The following DRAM2 variants were observed in gnomAD, a reference collection of about 807,000 sequenced individuals.
DRAM2 encodes the protein DNA damage regulated autophagy modulator 2, also known as DNA damage-regulated autophagy modulator protein 2.
A neutral mutation model predicts 33.5 loss-of-function variants in DRAM2; 26 were observed. That is an observed-to-expected ratio of 0.78 (90% CI 0.57 to 1.08). DRAM2 has a LOEUF of 1.08. DRAM2 is among the 50% of genes least tolerant of loss of function. The probability of loss-of-function intolerance (pLI) is 0.00; values close to 1 mark genes in which losing one functional copy is unlikely to be tolerated. For synonymous variants in DRAM2, 98 were observed against 109.5 expected (o/e 0.89, Z 0.66); for missense variants, 311 against 318.1 (o/e 0.98, Z 0.17).
chr1:111,135,999 T>C (rs1263486090), intron 3 of DRAM2, among the ~76,000 whole-genome samples: 1 of 152,224 alleles, frequency 6.6e-6, no homozygotes, highest in Admixed American at 6.5e-5. Flanking sequence ...GGTTCTCTCT[T>C]ATAAAGTCCT....
chr1:111,135,319 A>G (rs142727118), intron 3 of DRAM2, among the ~76,000 whole-genome samples: 2 of 152,208 alleles, frequency 1.3e-5, no homozygotes, highest in Non-Finnish European at 2.9e-5. Context: ...TATGAATTCT[A>G]TCTCTCTGCT....
At chr1:111,124,316 G>A (rs927320631) in intron 6 of DRAM2, among the ~76,000 whole-genome samples, 3 of 152,116 alleles carry the variant, frequency 2.0e-5, no homozygotes, top group African/African-American at 7.2e-5. Flanking sequence ...GGACACCTAG[G>A]AATGCAGGCA....
At chr1:111,130,421 C>T (rs765854719) in intron 4 of DRAM2, among the ~76,000 whole-genome samples, 20 of 152,094 alleles carry the variant, frequency 1.3e-4, no homozygotes, top group Non-Finnish European at 2.2e-4. Flanking sequence ...TTACTTTCTA[C>T]GAGGCTGGGC....
intron 1 of DRAM2, 125 bp downstream of exon 1, chr1:111,139,913 G>C (rs988685952): frequency 6.6e-6 from 1 of 152,112 alleles, no homozygotes; most frequent in Non-Finnish European, 1.5e-5. Flanking sequence ...CCTGCGACGC[G>C]GGTAAGGGGG....
chr1:111,130,659 C>T (rs1300330363), intron 4 of DRAM2, among the ~76,000 whole-genome samples: 3 of 150,174 alleles, frequency 2.0e-5, no homozygotes, highest in Non-Finnish European at 4.4e-5. Flanking sequence ...GAGATTGTGC[C>T]ACTGCACTCC....
At chr1:111,128,589 G>A (rs1651484758) in intron 4 of DRAM2, among the ~76,000 whole-genome samples, 1 of 152,142 alleles carries the variant, frequency 6.6e-6, no homozygotes, top group South Asian at 2.1e-4. Flanking sequence ...ATAAAATGGT[G>A]TAGTATTTGC....
intron 8 of DRAM2, chr1:111,119,506 T>C (rs1344230241): frequency 5.2e-6 from 1 of 193,570 alleles, no homozygotes; most frequent in Non-Finnish European, 1.1e-5. Context: ...GCAGAGTCCA[T>C]AATCAATTTC....
intron 6 of DRAM2, among the ~76,000 whole-genome samples, 191 bp from the exon 7 acceptor site, chr1:111,120,884 A>T (rs1399982642): frequency 6.6e-6 from 1 of 152,128 alleles, no homozygotes; most frequent in East Asian, 1.9e-4. Flanking sequence ...TAAGGATTAT[A>T]GTAATACCAA....
At position 111,139,020 on chromosome 1, in the gene DRAM2, A is replaced by G. The variant is rs193221815; in HGVS notation, c.-79+481T>C. 15 of 152,368 alleles carry G rather than the reference A, an allele frequency of 9.8e-5. No individual in the cohort carries two copies. In the East Asian group the frequency reaches 2.9e-3, roughly 29 times the overall value. The allele number at this position is 152,368 out of a possible 1,614,324, so 9.4% of individuals were successfully genotyped here. A position where few individuals can be genotyped will look rare whatever the true frequency, so the allele number is the denominator to read the frequency against. ...AGCCCTAAGCTGCTTTTAGAGATGC[A>G]CAGAACCATCAGGCTCAAATCAAAA... On this transcript the variant is annotated intron_variant, in intron 2 of 9. Coordinates refer to ENST00000484310, the MANE Select transcript of DRAM2 (RefSeq NM_001349884.2).
intron 3 of DRAM2, among the ~76,000 whole-genome samples, chr1:111,134,031 T>A (rs912650055): frequency 1.3e-5 from 2 of 152,184 alleles, no homozygotes; most frequent in Non-Finnish European, 2.9e-5. Context: ...TGTTCACTAT[T>A]ATATTTCCAG....
At chr1:111,122,284 G>A (rs1418071555) in intron 6 of DRAM2, among the ~76,000 whole-genome samples, 2 of 152,186 alleles carry the variant, frequency 1.3e-5, no homozygotes, top group Non-Finnish European at 2.9e-5. Flanking sequence ...TTCAAGGAAT[G>A]TAAGAGTGAA....
intron 6 of DRAM2, 57 bp downstream of exon 6, chr1:111,124,685 T>C: frequency 3.8e-6 from 6 of 1,567,218 alleles, no homozygotes; most frequent in Non-Finnish European, 5.2e-6. Context: ...GGTTTCCCTT[T>C]TAATATATAT....
At chr1:111,130,696 T>A (rs1196205817) in intron 4 of DRAM2, among the ~76,000 whole-genome samples, 1 of 131,862 alleles carries the variant, frequency 7.6e-6, no homozygotes, top group Non-Finnish European at 1.6e-5. Context: ...TGAGATTCCA[T>A]CTCAAAAAAA....
intron 4 of DRAM2, among the ~76,000 whole-genome samples, chr1:111,127,568 G>A (rs547294533): frequency 2.0e-5 from 3 of 152,072 alleles, no homozygotes; most frequent in African/African-American, 7.2e-5. Context: ...AAAGATTTTG[G>A]TACTCTTTGA....
At position 111,118,173 on chromosome 1, in the gene DRAM2, G is replaced by T; in HGVS notation, c.788C>A (p.Ser263Tyr). The change falls in exon 10 of 10, where the codon TCC becomes TAC. Residue 263 changes from serine to tyrosine, a missense_variant. Physicochemically the swap from Ser to Tyr is moderately radical, Grantham distance 144. Coordinates refer to ENST00000484310, the MANE Select transcript of DRAM2 (RefSeq NM_001349884.2). The stretch of plus-strand genomic sequence containing the variant: ...TTTATCCTTTCATCAAATATCTCTG[G>T]AAAGTAGCCGTGTTCGTTCATTGTT... ...PINNERTRLLSRDI is the reference protein window; with the variant it reads ...PINNERTRLLYRDI 1 of 1,611,966 alleles carries T rather than the reference G, an allele frequency of 6.2e-7. No homozygotes were observed.
chr1:111,129,524 A>G (rs919455908), intron 4 of DRAM2, among the ~76,000 whole-genome samples: 2 of 152,238 alleles, frequency 1.3e-5, no homozygotes, highest in African/African-American at 4.8e-5. Context: ...CTCAGAAACC[A>G]TTCATATAAT....
chr1:111,128,839 A>C (rs1002100709), intron 4 of DRAM2, among the ~76,000 whole-genome samples: 5 of 152,208 alleles, frequency 3.3e-5, no homozygotes, highest in Non-Finnish European at 5.9e-5. Flanking sequence ...TTTCAAAACG[A>C]AAGCAGACAA....
intron 4 of DRAM2, 97 bp from the exon 5 acceptor site, chr1:111,126,391 C>T: frequency 1.4e-6 from 1 of 693,382 alleles, no homozygotes; most frequent in Non-Finnish European, 2.6e-6. Context: ...ATTCAAACCT[C>T]TTATCTTTTA....
At chr1:111,133,273 G>A (rs1652494372) in intron 3 of DRAM2, among the ~76,000 whole-genome samples, 1 of 151,482 alleles carries the variant, frequency 6.6e-6, no homozygotes, top group Admixed American at 6.6e-5. Context: ...AGCCTCCCAG[G>A]TTCAAGAGAT....
Sources: allele counts gnomAD v4.1 joint callset (sites outside exome capture counted in the v4.1 genomes callset), GRCh38; gene constraint gnomAD v4.1.1; transcripts MANE v1.5; gene names NCBI Gene and HGNC (gene_info 2026-07-23, HGNC 2026-07-21).